The following SLC16A4 variants were observed in gnomAD, a reference collection of about 807,000 sequenced individuals.
The protein encoded by SLC16A4 is solute carrier family 16 member 4, also known as probable monocarboxylate transporter 5.
In SLC16A4, 39 loss-of-function variants were observed where a neutral mutation model predicts 47.9. The observed-to-expected ratio is 0.81, with a 90% confidence interval of 0.63 to 1.06. The LOEUF (loss-of-function observed/expected upper bound fraction) is 1.06, where lower values mean the gene tolerates loss of function less well. Among genes scored for constraint, SLC16A4 ranks in the 50% least tolerant of loss-of-function variants. SLC16A4 has a pLI of 0.00. For missense variants in SLC16A4, 524 were observed against 573.8 expected (o/e 0.91, Z 0.89); for synonymous variants, 189 against 199.9 (o/e 0.95, Z 0.46).
intron 8 of SLC16A4, chr1:110,371,424 G>T (rs1429279471): frequency 6.6e-6 from 1 of 152,190 alleles, no homozygotes; most frequent in Non-Finnish European, 1.5e-5. Flanking sequence ...TTGAATGGAA[G>T]AGTAGGAATT....
chr1:110,381,063 C>T lies in SLC16A4; in HGVS notation c.445G>A (p.Ala149Thr), dbSNP rs544459921. The T allele has an allele frequency of 6.2e-7, 1 of 1,614,106 alleles. No homozygotes were observed. The highest frequency in any genetic ancestry group is 1.3e-5 in the African/African-American group (1 of 75,028). The change falls in exon 5 of 9, where the codon GCT (alanine) becomes ACT (threonine). Residue 149 changes from alanine to threonine, a missense_variant. Transcript: ENST00000369779. Reference protein sequence around the residue: ...YFKKRLALSTAIARSGMGLTF... With the variant: ...YFKKRLALSTTIARSGMGLTF... ...AGTCCCATCCCAGAACGGGCAATAG[C>T]TGTAGAAAGAGCCAATCGTTTTTTG... is the stretch of plus-strand genomic sequence containing the variant.
intron 8 of SLC16A4, among the ~76,000 whole-genome samples, chr1:110,365,353 CAGA>C (rs928351121): frequency 1.7e-4 from 26 of 151,958 alleles, no homozygotes; most frequent in African/African-American, 6.0e-4. Context: ...GTTATGGACA[CAGA>C]GGAGATGAGA....
In SLC16A4 at chr1:110,380,058, C is replaced by CAA. The variant is rs542273389; in HGVS notation, c.527-704_527-703dup. Among the ~76,000 whole-genome samples the CAA allele has an allele frequency of 3.4e-4, 33 of 96,248 alleles. 2 individuals carry two copies. Among genetic ancestry groups the CAA allele is most frequent in the Middle Eastern group, 5.0e-3 (1 of 200 alleles). 63.1% of individuals were successfully genotyped at this position (96,248 alleles called of 152,430 possible). On this transcript the variant is annotated intron_variant, in intron 5 of 8. Transcript: ENST00000369779. ...AATGACAAAGCGAGAGAGCCTGTCT[C>CAA]AAAAAAAAAAAAAAAGCAGCGGGAG...
rs938671521 is a variant in SLC16A4 at position 110,389,121 on chromosome 1, C to G, written c.87+116G>C. ...GCTCCTGGCCTTGTTCCTGCCCACC[C>G]CTCCACTCAGATGCCAAAGATTTCC... On this transcript the variant is annotated intron_variant, in intron 2 of 8. Coordinates refer to ENST00000369779, the MANE Select transcript of SLC16A4 (RefSeq NM_004696.3). The G allele has an allele frequency of 6.5e-6, 6 of 916,156 alleles. No homozygotes were observed. The Admixed American group carries it at 7.1e-5, about 11-fold the overall frequency. 56.8% of individuals were successfully genotyped at this position (916,156 alleles called of 1,614,324 possible).
intron 6 of SLC16A4, among the ~76,000 whole-genome samples, chr1:110,377,733 C>T (rs911645452): frequency 2.0e-5 from 3 of 152,130 alleles, no homozygotes; most frequent in African/African-American, 7.2e-5. Flanking sequence ...GACCACTGCA[C>T]CTGGCCAAAT....
rs577854078 is a variant in SLC16A4, at chr1:110,390,066, G to GA, written c.-32-712dup. ...AAAAGTTGAAATGTAATACAAAACA[G>GA]AAAAAAAACCTCTTTCCCTATGATA... is the stretch of plus-strand genomic sequence containing the variant. On this transcript the variant is annotated intron_variant, in intron 1 of 8. Transcript: ENST00000369779. 6.6e-5 allele frequency among the ~76,000 whole-genome samples: 10 copies of GA among 151,516 alleles called. No homozygotes were observed. The East Asian group carries it at 7.8e-4, about 12-fold the overall frequency.
In SLC16A4 at chr1:110,363,743, A is replaced by G; in HGVS notation, c.*23T>C. On this transcript the variant is annotated 3_prime_UTR_variant, in exon 9 of 9. Transcript: ENST00000369779. ...TTAGGTTTTCTTTTGTTTAGCTCTC[A>G]CTTGATTGCAGTCTTCTTTCTTTCA... 1.3e-6 allele frequency: 2 copies of G among 1,584,158 alleles called. 1 individual carries two copies.
chr1:110,381,238 G>T, intron 4 of SLC16A4, 95 bp from the exon 5 acceptor site: 2 of 1,164,682 alleles, frequency 1.7e-6, no homozygotes, highest in Non-Finnish European at 2.5e-6. Context: ...ATACAGCTAG[G>T]CCTTTTGGAC....
At chr1:110,389,091 T>G in intron 2 of SLC16A4, 146 bp downstream of exon 2, 1 of 746,420 alleles carries the variant, frequency 1.3e-6, no homozygotes, top group Non-Finnish European at 2.3e-6. Flanking sequence ...TAGCAGTTTT[T>G]GGCAGCTCCT....
intron 5 of SLC16A4, among the ~76,000 whole-genome samples, chr1:110,380,098 A>T (rs12123410): frequency 0.11 from 16,346 of 148,288 alleles, 1,015 homozygotes; most frequent in African/African-American, 0.13. Flanking sequence ...GAAGGCATGG[A>T]TAGCCTTTCA....
At chr1:110,377,246 T>A in intron 6 of SLC16A4, 85 bp from the exon 7 acceptor site, 12 of 1,137,474 alleles carry the variant, frequency 1.1e-5, no homozygotes, top group Non-Finnish European at 1.5e-5. Context: ...AGTAATATGA[T>A]CTCATCCTGA....
rs58556703 is a variant in SLC16A4, at chr1:110,381,614, C to T, written c.364+38G>A. On this transcript the variant is annotated intron_variant, in intron 4 of 8. Coordinates refer to ENST00000369779, the MANE Select transcript of SLC16A4 (RefSeq NM_004696.3). ...AGGATTACAAGTGTGAGCCACCACTCCTGGCCTTCTATGGTCACATAATTA... is the reference window on the plus strand; with the variant it reads ...AGGATTACAAGTGTGAGCCACCACTTCTGGCCTTCTATGGTCACATAATTA... 439 of 1,592,550 alleles carry T rather than the reference C, an allele frequency of 2.8e-4. 1 individual carries two copies. The African/African-American group carries it at 4.6e-3, about 17-fold the overall frequency.
chr1:110,389,829 T>C (rs560706092), intron 1 of SLC16A4, among the ~76,000 whole-genome samples: 5 of 152,208 alleles, frequency 3.3e-5, no homozygotes, highest in Admixed American at 6.5e-5. Context: ...TTCTCACTTA[T>C]AAGTGGGAGC....
chr1:110,376,369 G>A (rs996917156), intron 7 of SLC16A4, among the ~76,000 whole-genome samples: 1 of 152,146 alleles, frequency 6.6e-6, no homozygotes, highest in African/African-American at 2.4e-5. Context: ...GCATGTTTAG[G>A]TCCTGGTTCT....
Position 110,376,933 on chromosome 1 carries a change from T to C in SLC16A4, c.1242+17A>G. On this transcript the variant is annotated intron_variant, in intron 7 of 8. Coordinates refer to ENST00000369779, the MANE Select transcript of SLC16A4 (RefSeq NM_004696.3). The stretch of plus-strand genomic sequence containing the variant: ...TTACTAAATGGTTTAACAATGTTAA[T>C]GAGTGTGTCTACTCACCAGTACAGG... 1 of 1,599,758 alleles carries C rather than the reference T, an allele frequency of 6.3e-7. No homozygotes were observed. Among genetic ancestry groups the C allele is most frequent in the Non-Finnish European group, 8.6e-7 (1 of 1,168,094 alleles).
At chr1:110,376,028 C>T (rs1661978130) in intron 7 of SLC16A4, among the ~76,000 whole-genome samples, 2 of 152,122 alleles carry the variant, frequency 1.3e-5, no homozygotes, top group South Asian at 2.1e-4. Flanking sequence ...AGGTGCGTGC[C>T]ACCACACCTG....
intron 8 of SLC16A4, among the ~76,000 whole-genome samples, chr1:110,373,800 G>T (rs886500627): frequency 1.4e-5 from 2 of 146,892 alleles, no homozygotes; most frequent in Non-Finnish European, 3.0e-5. Context: ...TCAGCCTGCC[G>T]TGTAGCTGGG....
rs575194310 is a variant in SLC16A4, at chr1:110,369,721, A to AT, written c.1336+5736dup. 3.9e-5 allele frequency among the ~76,000 whole-genome samples: 6 copies of AT among 152,352 alleles called. No homozygotes were observed. In the South Asian group the frequency reaches 1.2e-3, roughly 32 times the overall value. ...AGAACTCCTGTGGTTGGGTTGTAGC[A>AT]TAGTGGCAAATTTCCAAGGTGTGCA... On this transcript the variant is annotated intron_variant, in intron 8 of 8. Coordinates refer to ENST00000369779, the MANE Select transcript of SLC16A4 (RefSeq NM_004696.3).
In SLC16A4 at chr1:110,381,739, C is replaced by T. The variant is rs371839957; in HGVS notation, c.277G>A (p.Gly93Arg). The T allele has an allele frequency of 6.2e-7, 1 of 1,613,536 alleles. No individual in the cohort carries two copies. The change falls in exon 4 of 9, where the codon GGG becomes AGG. Residue 93 changes from glycine (G) to arginine (R), a missense_variant. Gly to Arg is a moderately radical substitution (Grantham distance 125). Coordinates refer to ENST00000369779, the MANE Select transcript of SLC16A4 (RefSeq NM_004696.3). ...TATCCACCAGTAACAACGAAAGCCC[C>T]AAGAATGGAGGTAGTTTTCTCTCCA... ...ILGEKTTSILGAFVVTGGYLI... is the reference protein window; with the variant it reads ...ILGEKTTSILRAFVVTGGYLI...
Sources: gnomAD v4.1 joint callset for allele counts (sites outside exome capture counted in the v4.1 genomes callset) on GRCh38, gnomAD v4.1.1 for gene constraint, MANE v1.5 for transcripts, NCBI Gene and HGNC (gene_info 2026-07-23, HGNC 2026-07-21) for gene names.